The following SEL1L3 variants were observed in gnomAD, a reference collection of about 807,000 sequenced individuals.
SEL1L3 encodes protein sel-1 homolog 3.
Under a neutral mutation model 142.8 loss-of-function variants are expected in SEL1L3, and 76 were observed. That is an observed-to-expected ratio of 0.53 (90% CI 0.44 to 0.64). The LOEUF is 0.64. Ranked by LOEUF, SEL1L3 falls within the 30% of genes least tolerant of loss-of-function variation. SEL1L3 has a pLI of 0.00. For missense variants in SEL1L3, 1,262 were observed against 1,381.7 expected, an observed-to-expected ratio of 0.91 and a Z score of 1.37; for synonymous variants, 504 against 519.6, an observed-to-expected ratio of 0.97 and a Z score of 0.41.
intron 2 of SEL1L3, among the ~76,000 whole-genome samples, chr4:25,846,894 C>CA (rs1198390333): frequency 1.1e-5 from 1 of 88,066 alleles, no homozygotes; most frequent in African/African-American, 4.8e-5. Context: ...GCCTGGGCAA[C>CA]AGAACAAGAC....
At chr4:25,845,339 TA>T (rs1490715466) in intron 2 of SEL1L3, among the ~76,000 whole-genome samples, 1 of 151,784 alleles carries the variant, frequency 6.6e-6, no homozygotes, top group Non-Finnish European at 1.5e-5. Flanking sequence ...TACAAAAAAA[TA>T]AAAAAATAAA....
At chr4:25,828,392 T>TG (rs890407592) in intron 6 of SEL1L3, among the ~76,000 whole-genome samples, 3 of 150,148 alleles carry the variant, frequency 2.0e-5, no homozygotes, top group African/African-American at 7.3e-5. Flanking sequence ...ATCTTTTCGT[T>TG]TTTTTTTTTT....
chr4:25,801,809 G>A (rs1713202281), intron 11 of SEL1L3, among the ~76,000 whole-genome samples: 1 of 152,134 alleles, frequency 6.6e-6, no homozygotes, highest in Admixed American at 6.5e-5. Context: ...CCCAGCAGGG[G>A]GAACATAGCT....
intron 6 of SEL1L3, among the ~76,000 whole-genome samples, chr4:25,822,711 A>C (rs773611769): frequency 6.6e-6 from 1 of 152,218 alleles, no homozygotes; most frequent in African/African-American, 2.4e-5. Context: ...ATGAGAGGTG[A>C]GCACAGGTGA....
At chr4:25,778,966 A>C in intron 16 of SEL1L3, 110 bp downstream of exon 16, 101 of 803,178 alleles carry the variant, frequency 1.3e-4, no homozygotes, top group Non-Finnish European at 1.7e-4. Context: ...TTTTAAAACT[A>C]CATGCATGTA....
chr4:25,727,857 G>A, the SEL1L3 span, among the ~76,000 whole-genome samples: 233 of 152,284 alleles, frequency 1.5e-3, no homozygotes, highest in African/African-American at 5.5e-3. Context: ...ATTAAAAACA[G>A]TGTCGGGAAA....
chr4:25,862,570 A>G, intron 1 of SEL1L3, 105 bp downstream of exon 1: 1 of 513,752 alleles, frequency 1.9e-6, no homozygotes, highest in South Asian at 8.8e-5. Flanking sequence ...AGAGAAAACT[A>G]GCAGCGGCGT....
chr4:25,835,688 T>C (rs6847559), intron 2 of SEL1L3, among the ~76,000 whole-genome samples: 62,639 of 152,114 alleles, frequency 0.41, 15,043 homozygotes, highest in African/African-American at 0.67. Flanking sequence ...CTAAGAAAAG[T>C]ATCTGAATTT....
intron 13 of SEL1L3, among the ~76,000 whole-genome samples, chr4:25,787,238 A>G (rs1456188488): frequency 6.6e-6 from 1 of 152,238 alleles, no homozygotes; most frequent in African/African-American, 2.4e-5. Flanking sequence ...ACACCAAGGT[A>G]CCAACCTCGT....
intron 13 of SEL1L3, among the ~76,000 whole-genome samples, chr4:25,785,164 G>A (rs929344366): frequency 2.6e-5 from 4 of 152,196 alleles, no homozygotes; most frequent in African/African-American, 9.6e-5. Context: ...GATCGCCTGT[G>A]ATTTGGATGG....
At chr4:25,855,637 G>C (rs970221878) in intron 1 of SEL1L3, among the ~76,000 whole-genome samples, 1 of 152,088 alleles carries the variant, frequency 6.6e-6, no homozygotes, top group South Asian at 2.1e-4. Context: ...GGCGGGCACC[G>C]GTAATCCCAG....
rs754976158 is a variant in SEL1L3, at chr4:25,833,464, T to C, written c.966A>G (p.Val322=). The C allele has an allele frequency of 1.2e-6, 2 of 1,612,270 alleles. No homozygotes were observed. Reference sequence around the variant, plus strand: ...TATACTCACCCTCTTCCGTAAGAAATACAGAAGGTGTGCCGTACATCTCAT... The same window carrying C: ...TATACTCACCCTCTTCCGTAAGAAACACAGAAGGTGTGCCGTACATCTCAT... ...DSNEMYGTPS[V]FLTEEGYLHI... The change falls in exon 4 of 24, where the codon GTA becomes GTG. Residue 322 remains valine, a synonymous_variant. Transcript: ENST00000399878.
intron 1 of SEL1L3, among the ~76,000 whole-genome samples, chr4:25,853,478 C>G (rs1258097634): frequency 3.3e-5 from 5 of 151,994 alleles, no homozygotes; most frequent in Non-Finnish European, 1.5e-5. Flanking sequence ...TGTAATGTGG[C>G]TGGTCTGATT....
intron 9 of SEL1L3, among the ~76,000 whole-genome samples, chr4:25,806,204 A>C (rs1260427809): frequency 1.3e-5 from 2 of 151,762 alleles, no homozygotes; most frequent in Non-Finnish European, 2.9e-5. Context: ...ACGCCCGGCT[A>C]ATTTTTTGTA....
chr4:25,789,073 AG>A (rs1234323028), intron 12 of SEL1L3, among the ~76,000 whole-genome samples: 2 of 152,188 alleles, frequency 1.3e-5, no homozygotes, highest in East Asian at 3.9e-4. Context: ...TTCCTGTACT[AG>A]AAAGACTGCA....
intron 19 of SEL1L3, 65 bp from the exon 20 acceptor site, chr4:25,765,500 T>C: frequency 2.8e-6 from 3 of 1,062,510 alleles, no homozygotes; most frequent in African/African-American, 1.6e-5. Flanking sequence ...TTTTAAATTA[T>C]TGGCGCATTC....
At chr4:25,795,060 TG>T (rs199884490) in intron 11 of SEL1L3, among the ~76,000 whole-genome samples, 8 of 42,430 alleles carry the variant, frequency 1.9e-4, no homozygotes, top group Admixed American at 5.0e-4. Context: ...TCTTGGGGGG[TG>T]GGGGGGAGGG....
At chr4:25,715,792 T>A in the SEL1L3 span, among the ~76,000 whole-genome samples, 6 of 138,582 alleles carry the variant, frequency 4.3e-5, no homozygotes, top group African/African-American at 1.8e-4. Flanking sequence ...CTCCAGGTTA[T>A]ATAGTAAAGG....
chr4:25,836,244 C>A (rs985683362), intron 2 of SEL1L3, among the ~76,000 whole-genome samples: 5 of 152,222 alleles, frequency 3.3e-5, no homozygotes, highest in Non-Finnish European at 7.3e-5. Flanking sequence ...GTTATTTCAT[C>A]TATACTTAAT....
Sources: allele counts gnomAD v4.1 joint callset (sites outside exome capture counted in the v4.1 genomes callset), GRCh38; gene constraint gnomAD v4.1.1; transcripts MANE v1.5; gene names NCBI Gene and HGNC (gene_info 2026-07-23, HGNC 2026-07-21).